C14orf39: variants seen among roughly 807,000 people sequenced by gnomAD.
C14orf39 encodes protein SIX6OS1.
C14orf39 carries 66 observed loss-of-function variants against 85.6 expected under a neutral mutation model. That is an observed-to-expected ratio of 0.77 (90% CI 0.63 to 0.95). The LOEUF (loss-of-function observed/expected upper bound fraction) is 0.95, where lower values mean the gene tolerates loss of function less well. C14orf39 is among the 40% of genes least tolerant of loss of function. C14orf39 has a pLI of 0.00. For missense variants in C14orf39, 735 were observed against 663.9 expected (o/e 1.11, Z -1.18); for synonymous variants, 242 against 214.0 (o/e 1.13, Z -1.14).
intron 1 of C14orf39, chr14:60,508,875 A>G: frequency 6.6e-6 from 1 of 151,402 alleles, no homozygotes. Context: ...GGTGGGAAAA[A>G]GGGAGGGAGG....
chr14:60,444,059 A>G (rs529602268), intron 16 of C14orf39, among the ~76,000 whole-genome samples: 1 of 152,214 alleles, frequency 6.6e-6, no homozygotes, highest in Non-Finnish European at 1.5e-5. Flanking sequence ...AACATAAAAG[A>G]CCAAAGGTAG....
chr14:60,490,602 C>A (rs1892975442), upstream of C14orf39, among the ~76,000 whole-genome samples: 1 of 151,982 alleles, frequency 6.6e-6, no homozygotes, highest in South Asian at 2.1e-4. Flanking sequence ...CCAGCTTAGG[C>A]AACAGAATAA....
In C14orf39 at chr14:60,471,720, T is replaced by G. The variant is rs886920594; in HGVS notation, c.343A>C (p.Ile115Leu). The G allele has an allele frequency of 3.3e-6, 5 of 1,533,268 alleles. No individual in the cohort carries two copies. The South Asian group carries it at 4.8e-5, about 15-fold the overall frequency. The allele number at this position is 1,533,268 out of a possible 1,614,324, so 95.0% of individuals were successfully genotyped here. Residue 115 changes from isoleucine to leucine, a missense_variant, in exon 6 of 18, where the codon ATA (isoleucine) becomes CTA (leucine). Ile to Leu is a conservative substitution (Grantham distance 5, BLOSUM62 2). Transcript: ENST00000321731. ...TTCAAAACTTCTTTATACTGACATATATAATCATGATACATTTCTCTGTTA... is the reference window on the plus strand; with the variant it reads ...TTCAAAACTTCTTTATACTGACATAGATAATCATGATACATTTCTCTGTTA... The part of the protein sequence containing the change: ...EKDKEMYHDY[I>L]CQYKEVLKQY...
chr14:60,486,712 A>T (rs1892901499), upstream of C14orf39, among the ~76,000 whole-genome samples: 1 of 152,234 alleles, frequency 6.6e-6, no homozygotes, highest in African/African-American at 2.4e-5. Context: ...TTTTAACCGT[A>T]AATGATCACA....
intron 16 of C14orf39, among the ~76,000 whole-genome samples, chr14:60,445,954 G>C (rs567208302): frequency 6.6e-6 from 1 of 152,254 alleles, no homozygotes; most frequent in East Asian, 1.9e-4. Flanking sequence ...ACATGCTCCT[G>C]AATGACTACT....
chr14:60,473,814 T>C (rs886148642), intron 5 of C14orf39, among the ~76,000 whole-genome samples: 15 of 152,190 alleles, frequency 9.9e-5, no homozygotes, highest in African/African-American at 3.4e-4. Flanking sequence ...AGCCTTGTAG[T>C]ATAGTTTGAA....
intron 7 of C14orf39, among the ~76,000 whole-genome samples, chr14:60,470,326 T>G (rs1226773425): frequency 6.6e-6 from 1 of 151,850 alleles, no homozygotes; most frequent in African/African-American, 2.4e-5. Flanking sequence ...AATGATAGAA[T>G]AGTGACAGTT....
chr14:60,475,186 A>G (rs1207647349), intron 5 of C14orf39, among the ~76,000 whole-genome samples: 2 of 152,076 alleles, frequency 1.3e-5, no homozygotes, highest in Non-Finnish European at 2.9e-5. Context: ...GTTTATTTGC[A>G]TAGAGGTGTT....
intron 9 of C14orf39, among the ~76,000 whole-genome samples, chr14:60,467,757 A>G (rs1037981710): frequency 1.3e-4 from 19 of 151,810 alleles, no homozygotes; most frequent in Non-Finnish European, 2.4e-4. Context: ...AAGTAGGATC[A>G]GGGAAATTAA....
chr14:60,441,075 C>T (rs564240918), intron 17 of C14orf39, among the ~76,000 whole-genome samples: 10 of 152,128 alleles, frequency 6.6e-5, no homozygotes, highest in African/African-American at 2.4e-4. Flanking sequence ...AAGATTCGGG[C>T]CCACCTGGAA....
At position 60,455,000 on chromosome 14, in the gene C14orf39, C is replaced by T. The variant is rs769932110; in HGVS notation, c.1503+1G>A. 6.5e-7 allele frequency: 1 copy of T among 1,530,138 alleles called. No individual in the cohort carries two copies. The highest frequency in any genetic ancestry group is 8.7e-7 in the Non-Finnish European group (1 of 1,149,586). 94.8% of individuals were successfully genotyped at this position (1,530,138 alleles called of 1,614,324 possible). A position where few individuals can be genotyped will look rare whatever the true frequency, so the allele number is the denominator to read the frequency against. On this transcript the variant is annotated splice_donor_variant, in intron 16 of 17. Coordinates refer to ENST00000321731, the MANE Select transcript of C14orf39 (RefSeq NM_174978.3). LOFTEE classifies it high-confidence loss of function. ...ATAAAACTTTTGGCTTCTCATATTA[C>T]CTGATCTGATGAGATTTCTGTATCA...
intron 15 of C14orf39, among the ~76,000 whole-genome samples, chr14:60,455,633 A>G (rs188643580): frequency 6.6e-6 from 1 of 152,166 alleles, no homozygotes; most frequent in East Asian, 1.9e-4. Context: ...ATTTGGGAAA[A>G]ATAATTAGAC....
At chr14:60,454,919 C>T in intron 16 of C14orf39, 82 bp downstream of exon 16, 1 of 1,094,210 alleles carries the variant, frequency 9.1e-7, no homozygotes, top group Non-Finnish European at 1.3e-6. Context: ...TGCCCCAAGA[C>T]AGTTTTGTAT....
chr14:60,504,512 T>C (rs1216981693), intron 1 of C14orf39, among the ~76,000 whole-genome samples: 1 of 152,246 alleles, frequency 6.6e-6, no homozygotes, highest in Admixed American at 6.5e-5. Flanking sequence ...AATAACCTGC[T>C]GCTGTGAAAA....
rs186378054 is a variant in C14orf39, at chr14:60,506,728, T to G, written c.-143-7298A>C. ...CCAAGCCACCAGACAGTGCTCCTACTCTGCCACACGCAGCCCGCACCCTTC... is the reference window on the plus strand; with the variant it reads ...CCAAGCCACCAGACAGTGCTCCTACGCTGCCACACGCAGCCCGCACCCTTC... On this transcript the variant is annotated intron_variant, in intron 1 of 5. Coordinates refer to the C14orf39 transcript ENST00000556799. Among the ~76,000 whole-genome samples the G allele has an allele frequency of 3.6e-4, 55 of 152,328 alleles. 1 individual carries two copies. In the East Asian group the frequency reaches 9.8e-3, roughly 27 times the overall value.
chr14:60,457,163 C>T (rs1167089773), intron 14 of C14orf39, 68 bp from the exon 15 acceptor site: 3 of 1,022,012 alleles, frequency 2.9e-6, no homozygotes, highest in Non-Finnish European at 4.1e-6. Flanking sequence ...CATAAAAATG[C>T]ATGAGGTGGA....
Position 60,483,768 on chromosome 14 carries a change from G to T in C14orf39, c.156C>A (p.His52Gln). ...KENKVTICRI[H>Q]ETINATDEEI... is the part of the protein sequence containing the mutation. ...CCTCATCTGTTGCATTTATAGTTTC[G>T]TGTATCCTACAAATAGTTACTTTGT... Residue 52 changes from histidine (H) to glutamine (Q), a missense_variant, in exon 4 of 18, where the codon CAC (histidine) becomes CAA (glutamine). Coordinates refer to ENST00000321731, the MANE Select transcript of C14orf39 (RefSeq NM_174978.3). The T allele has an allele frequency of 6.4e-7, 1 of 1,564,276 alleles. No homozygotes were observed. Among genetic ancestry groups the T allele is most frequent in the African/African-American group, 1.4e-5 (1 of 73,712 alleles).
chr14:60,514,362 C>T (rs1893332641), intron 1 of C14orf39, among the ~76,000 whole-genome samples: 1 of 152,196 alleles, frequency 6.6e-6, no homozygotes, highest in Non-Finnish European at 1.5e-5. Flanking sequence ...GCAGCTACTC[C>T]AGCAGAGTGG....
In C14orf39 at chr14:60,466,852, C is replaced by T. The variant is rs988574506; in HGVS notation, c.895+65G>A. On this transcript the variant is annotated intron_variant, in intron 10 of 17. Transcript: ENST00000321731. Reference sequence around the variant, plus strand: ...CACCAAATGATAAATAAAATTGCTTCCTTCTATTTCTTCTGTGTGTTTGCA... The same window carrying T: ...CACCAAATGATAAATAAAATTGCTTTCTTCTATTTCTTCTGTGTGTTTGCA... 8.0e-6 allele frequency: 10 copies of T among 1,256,158 alleles called. No individual in the cohort carries two copies. The South Asian group carries it at 1.8e-4, about 23-fold the overall frequency. 77.8% of individuals were successfully genotyped at this position (1,256,158 alleles called of 1,614,324 possible). A position where few individuals can be genotyped will look rare whatever the true frequency, so the allele number is the denominator to read the frequency against.
Sources: allele counts gnomAD v4.1 joint callset (sites outside exome capture counted in the v4.1 genomes callset), GRCh38; gene constraint gnomAD v4.1.1; transcripts MANE v1.5; gene names NCBI Gene and HGNC (gene_info 2026-07-23, HGNC 2026-07-21).